Variants in NOSTRIN observed in about 807,000 individuals in gnomAD.
NOSTRIN encodes the protein nitric oxide synthase trafficking.
A neutral mutation model predicts 59.0 loss-of-function variants in NOSTRIN; 63 were observed. That is an observed-to-expected ratio of 1.07 (90% CI 0.87 to 1.32). The LOEUF is 1.32. Among genes scored for constraint, NOSTRIN ranks in the 40% most tolerant of loss-of-function variants. NOSTRIN has a pLI of 0.00. For missense variants in NOSTRIN, 512 were observed against 473.1 expected, an observed-to-expected ratio of 1.08 and a Z score of -0.76; for synonymous variants, 200 against 165.4, an observed-to-expected ratio of 1.21 and a Z score of -1.61.
At chr2:168,856,622 G>T in intron 11 of NOSTRIN, 68 bp from the exon 12 acceptor site, 3 of 1,409,480 alleles carry the variant, frequency 2.1e-6, no homozygotes, top group South Asian at 2.3e-5. Context: ...CTTTGAGAGC[G>T]ACCGACTCCT....
At chr2:168,821,933 G>A (rs561658244) in intron 2 of NOSTRIN, among the ~76,000 whole-genome samples, 1 of 152,168 alleles carries the variant, frequency 6.6e-6, no homozygotes, top group Non-Finnish European at 1.5e-5. Flanking sequence ...TAGTAGACTT[G>A]GGCTCTCAAC....
At chr2:168,841,994 T>G (rs1049722078) in intron 7 of NOSTRIN, among the ~76,000 whole-genome samples, 7 of 152,208 alleles carry the variant, frequency 4.6e-5, no homozygotes, top group Non-Finnish European at 1.0e-4. Flanking sequence ...CAGCCTTCCT[T>G]CCTGCTGGGA....
At chr2:168,857,043 T>G (rs1476110432) in intron 12 of NOSTRIN, among the ~76,000 whole-genome samples, 1 of 152,050 alleles carries the variant, frequency 6.6e-6, no homozygotes, top group African/African-American at 2.4e-5. Context: ...TTTAAGGGCC[T>G]AGAAACCATG....
At chr2:168,859,670 G>C (rs748915384) in intron 13 of NOSTRIN, 33 bp downstream of exon 13, 1 of 1,611,014 alleles carries the variant, frequency 6.2e-7, no homozygotes, top group Admixed American at 1.7e-5. Context: ...GTAATTTCTT[G>C]ATTGGGCCTG....
intron 2 of NOSTRIN, among the ~76,000 whole-genome samples, chr2:168,791,117 T>C (rs1019170444): frequency 1.3e-5 from 2 of 152,192 alleles, no homozygotes; most frequent in Non-Finnish European, 2.9e-5. Context: ...ACATTAGGTA[T>C]ATCTCCTAAT....
chr2:168,790,274 T>A (rs1229087562), intron 2 of NOSTRIN, among the ~76,000 whole-genome samples: 1 of 152,234 alleles, frequency 6.6e-6, no homozygotes, highest in Non-Finnish European at 1.5e-5. Context: ...AACTATGAGT[T>A]CATATGATAA....
Position 168,864,984 on chromosome 2 carries a change from A to G in NOSTRIN, c.*14A>G. ...ACAAAGGCATAAAACAAGACTCTGA[A>G]CATACTACCTTCACACTCGGTAATC... On this transcript the variant is annotated 3_prime_UTR_variant, in exon 16 of 16. Coordinates refer to ENST00000317647, the MANE Select transcript of NOSTRIN (RefSeq NM_001039724.4). 1 of 1,613,578 alleles carries G rather than the reference A, an allele frequency of 6.2e-7. No homozygotes were observed. Among genetic ancestry groups the G allele is most frequent in the East Asian group, 2.2e-5 (1 of 44,862 alleles).
At chr2:168,797,177 T>A (rs951726189), upstream of NOSTRIN, among the ~76,000 whole-genome samples, 1 of 145,142 alleles carries the variant, frequency 6.9e-6, no homozygotes, top group African/African-American at 2.5e-5. Context: ...CAGCCTCGAT[T>A]TCCCCAAGCT....
intron 5 of NOSTRIN, among the ~76,000 whole-genome samples, chr2:168,830,285 G>A (rs1687290331): frequency 6.6e-6 from 1 of 152,066 alleles, no homozygotes; most frequent in African/African-American, 2.4e-5. Context: ...GAGCACCCCC[G>A]AAATGCTTGT....
chr2:168,856,916 G>C (rs377191064), intron 12 of NOSTRIN, 138 bp downstream of exon 12: 1 of 714,840 alleles, frequency 1.4e-6, no homozygotes, highest in Non-Finnish European at 2.4e-6. Context: ...AGCTTATAGG[G>C]TCAGCTTCAT....
intron 10 of NOSTRIN, among the ~76,000 whole-genome samples, chr2:168,852,390 A>G (rs1434411242): frequency 2.0e-5 from 3 of 152,122 alleles, no homozygotes; most frequent in Non-Finnish European, 4.4e-5. Context: ...CCTTTGCTAT[A>G]TTGGGGCAAA....
intron 2 of NOSTRIN, among the ~76,000 whole-genome samples, chr2:168,822,981 G>A (rs1044644112): frequency 5.3e-5 from 8 of 152,150 alleles, no homozygotes; most frequent in Admixed American, 4.6e-4. Context: ...CAGTAGGACA[G>A]TTTTCTGTTC....
At chr2:168,798,809 C>CGATAGATAGATA (rs1491130814), upstream of NOSTRIN, among the ~76,000 whole-genome samples, 668 of 34,474 alleles carry the variant, frequency 0.019, 7 homozygotes, top group African/African-American at 0.054. Flanking sequence ...ATCGATCGAT[C>CGATAGATAGATA]GATCGATAGA....
intron 13 of NOSTRIN, among the ~76,000 whole-genome samples, chr2:168,860,589 T>C (rs1253729177): frequency 6.6e-6 from 1 of 151,874 alleles, no homozygotes; most frequent in Non-Finnish European, 1.5e-5. Flanking sequence ...GAGAATCACT[T>C]GAACCCGGGA....
At chr2:168,836,859 C>G (rs1687749661) in intron 7 of NOSTRIN, among the ~76,000 whole-genome samples, 1 of 152,200 alleles carries the variant, frequency 6.6e-6, no homozygotes, top group Non-Finnish European at 1.5e-5. Flanking sequence ...AGCCCACTCC[C>G]TAATGATTCC....
At chr2:168,788,201 C>T (rs1685254539) in intron 2 of NOSTRIN, among the ~76,000 whole-genome samples, 1 of 149,222 alleles carries the variant, frequency 6.7e-6, no homozygotes, top group Non-Finnish European at 1.5e-5. Flanking sequence ...GATGGTGCCA[C>T]TTGCACTCCA....
chr2:168,800,176 G>T (rs1685576900), upstream of NOSTRIN, among the ~76,000 whole-genome samples: 1 of 152,218 alleles, frequency 6.6e-6, no homozygotes, highest in Non-Finnish European at 1.5e-5. Context: ...GAAAAGCCCA[G>T]ATGCATGGCT....
intron 11 of NOSTRIN, chr2:168,855,939 A>C (rs1335880600): frequency 2.2e-6 from 1 of 451,608 alleles, no homozygotes; most frequent in Non-Finnish European, 4.4e-6. Context: ...GATGACAAAA[A>C]CGACTCCACA....
intron 6 of NOSTRIN, among the ~76,000 whole-genome samples, chr2:168,833,242 A>G (rs1687471884): frequency 6.6e-6 from 1 of 152,216 alleles, no homozygotes; most frequent in African/African-American, 2.4e-5. Context: ...AAAAGCCTTA[A>G]AGGACCAAAT....
Sources: gnomAD v4.1 joint callset for allele counts (sites outside exome capture counted in the v4.1 genomes callset) on GRCh38, gnomAD v4.1.1 for gene constraint, MANE v1.5 for transcripts, NCBI Gene and HGNC (gene_info 2026-07-23, HGNC 2026-07-21) for gene names.